The following SLC4A4 variants were observed in gnomAD, a reference collection of about 807,000 sequenced individuals.
SLC4A4 encodes the protein electrogenic sodium bicarbonate cotransporter 1.
SLC4A4 carries 27 observed loss-of-function variants against 111.5 expected under a neutral mutation model. The ratio of observed to expected loss-of-function variants is 0.24; its 90% confidence interval spans 0.18 to 0.33. SLC4A4 has a LOEUF of 0.33. Ranked by LOEUF, SLC4A4 falls within the 10% of genes least tolerant of loss-of-function variation. SLC4A4 has a pLI of 1.00. For missense variants in SLC4A4, 909 were observed against 1,315.5 expected (o/e 0.69, Z 4.78); for synonymous variants, 443 against 463.4 (o/e 0.96, Z 0.57).
chr4:71,075,978 T>C (rs969159000), intron 1 of SLC4A4, among the ~76,000 whole-genome samples: 3 of 150,130 alleles, frequency 2.0e-5, no homozygotes, highest in African/African-American at 7.4e-5. Flanking sequence ...AATAAATAAA[T>C]AAATAAATAA....
intron 15 of SLC4A4, among the ~76,000 whole-genome samples, chr4:71,490,142 A>G (rs1729768141): frequency 1.3e-5 from 2 of 151,826 alleles, no homozygotes; most frequent in Non-Finnish European, 2.9e-5. Flanking sequence ...ATTCCTTAAA[A>G]GGTTCCTGTA....
intron 1 of SLC4A4, among the ~76,000 whole-genome samples, chr4:71,067,457 T>A (rs1560702069): frequency 6.6e-6 from 1 of 152,220 alleles, no homozygotes; most frequent in Non-Finnish European, 1.5e-5. Flanking sequence ...TTATTGGCTA[T>A]TTTGTTCTGC....
chr4:71,308,676 C>A lies in SLC4A4; in HGVS notation c.254-30694C>A, dbSNP rs138855067. 2.3e-3 allele frequency among the ~76,000 whole-genome samples: 347 copies of A among 152,290 alleles called. 1 individual carries two copies. Among genetic ancestry groups the A allele is most frequent in the African/African-American group, 8.0e-3 (331 of 41,572 alleles). ...AGCCGTGAGGGACTGTGCTATCTGG[C>A]CCAGATACTACGCTTCTCCCATGGT... is the stretch of plus-strand genomic sequence containing the variant. On this transcript the variant is annotated intron_variant, in intron 3 of 25. Transcript: ENST00000264485.
At chr4:71,538,150 A>G (rs533864869) in intron 18 of SLC4A4, among the ~76,000 whole-genome samples, 75 of 152,204 alleles carry the variant, frequency 4.9e-4, no homozygotes, top group African/African-American at 1.8e-3. Flanking sequence ...ATTATGATCT[A>G]CGGTTGGCTA....
At chr4:71,339,725 A>T (rs1728732839) in intron 4 of SLC4A4, among the ~76,000 whole-genome samples, 1 of 152,112 alleles carries the variant, frequency 6.6e-6, no homozygotes, top group Admixed American at 6.6e-5. Context: ...TGTTTCATTG[A>T]TCCATGTTGC....
At chr4:71,303,158 G>A (rs75191269) in intron 3 of SLC4A4, among the ~76,000 whole-genome samples, 6,973 of 152,234 alleles carry the variant, frequency 0.046, 179 homozygotes, top group South Asian at 0.08. Flanking sequence ...AGCTTGTAAG[G>A]TGAGGCACAT....
chr4:71,548,705 T>C (rs1164475819), intron 20 of SLC4A4, among the ~76,000 whole-genome samples: 2 of 151,902 alleles, frequency 1.3e-5, no homozygotes, highest in African/African-American at 4.8e-5. Context: ...AAAATGCTCA[T>C]ATAATTACAT....
At chr4:71,328,703 A>G (rs904242723) in intron 3 of SLC4A4, among the ~76,000 whole-genome samples, 1 of 151,880 alleles carries the variant, frequency 6.6e-6, no homozygotes, top group African/African-American at 2.4e-5. Flanking sequence ...TTAACTCCCT[A>G]TATATTCTGG....
At chr4:71,460,300 T>C (rs1431225719) in intron 12 of SLC4A4, among the ~76,000 whole-genome samples, 1 of 152,110 alleles carries the variant, frequency 6.6e-6, no homozygotes, top group African/African-American at 2.4e-5. Flanking sequence ...TTTTTATCCA[T>C]CTGGAATTGG....
intron 16 of SLC4A4, among the ~76,000 whole-genome samples, chr4:71,527,601 C>T (rs1269381327): frequency 1.3e-5 from 2 of 151,794 alleles, no homozygotes; most frequent in Non-Finnish European, 2.9e-5. Context: ...GTCTGTCCTC[C>T]ACCAGGGCCA....
intron 3 of SLC4A4, among the ~76,000 whole-genome samples, chr4:71,314,266 A>C (rs1017351009): frequency 3.9e-5 from 6 of 152,196 alleles, no homozygotes; most frequent in African/African-American, 7.2e-5. Flanking sequence ...AAAAGTCTGG[A>C]AACAACAGAT....
intron 6 of SLC4A4, among the ~76,000 whole-genome samples, chr4:71,366,548 T>C (rs1382828828): frequency 6.6e-6 from 1 of 152,148 alleles, no homozygotes; most frequent in East Asian, 1.9e-4. Flanking sequence ...CTCATCAGAT[T>C]GTGGTAATAT....
chr4:71,420,037 C>T (rs1048934829), intron 7 of SLC4A4, among the ~76,000 whole-genome samples: 5 of 152,142 alleles, frequency 3.3e-5, no homozygotes, highest in South Asian at 2.1e-4. Context: ...GATCAAACAA[C>T]GAGCTACCGG....
chr4:71,566,494 TATG>T (rs928661083), intron 24 of SLC4A4, among the ~76,000 whole-genome samples: 4 of 151,878 alleles, frequency 2.6e-5, no homozygotes, highest in Non-Finnish European at 5.9e-5. Flanking sequence ...TGCAAGTTGA[TATG>T]ATATTAGAAG....
chr4:71,269,050 G>C (rs972435098), intron 3 of SLC4A4, among the ~76,000 whole-genome samples: 7 of 152,210 alleles, frequency 4.6e-5, no homozygotes, highest in Non-Finnish European at 1.0e-4. Flanking sequence ...CACATGCTGT[G>C]TTGGGAGTCA....
chr4:71,344,484 G>T (rs1449472780), intron 4 of SLC4A4, among the ~76,000 whole-genome samples: 1 of 152,120 alleles, frequency 6.6e-6, no homozygotes, highest in African/African-American at 2.4e-5. Flanking sequence ...TTAATGCTTA[G>T]AAGGAATCCA....
intron 3 of SLC4A4, among the ~76,000 whole-genome samples, chr4:71,311,409 T>C (rs1163985386): frequency 6.6e-6 from 1 of 152,160 alleles, no homozygotes; most frequent in Non-Finnish European, 1.5e-5. Context: ...GAGCACCACG[T>C]AGCACTTACT....
intron 2 of SLC4A4, among the ~76,000 whole-genome samples, chr4:71,129,739 G>A: frequency 8.6e-6 from 1 of 116,732 alleles, no homozygotes. Flanking sequence ...GTGATAGACT[G>A]AATAAAGAAA....
At chr4:71,072,701 A>G (rs1026936775) in intron 1 of SLC4A4, among the ~76,000 whole-genome samples, 1 of 152,000 alleles carries the variant, frequency 6.6e-6, no homozygotes, top group Non-Finnish European at 1.5e-5. Context: ...GAATCTTTCT[A>G]ATCATGAACC....
Sources: gnomAD v4.1 joint callset for allele counts (sites outside exome capture counted in the v4.1 genomes callset) on GRCh38, gnomAD v4.1.1 for gene constraint, MANE v1.5 for transcripts, NCBI Gene and HGNC (gene_info 2026-07-23, HGNC 2026-07-21) for gene names.